FSTL4: variants seen among roughly 807,000 people sequenced by gnomAD.
FSTL4 encodes the protein follistatin-related protein 4.
FSTL4 carries 28 observed loss-of-function variants against 78.2 expected under a neutral mutation model. That is an observed-to-expected ratio of 0.36 (90% CI 0.27 to 0.49). FSTL4 has a LOEUF of 0.49. Among genes scored for constraint, FSTL4 ranks in the 20% least tolerant of loss-of-function variants. The pLI is 0.98. For synonymous variants in FSTL4, 422 were observed against 440.5 expected (o/e 0.96, Z 0.53); for missense variants, 922 against 1,084.9 (o/e 0.85, Z 2.11).
At chr5:133,325,853 C>T (rs1754198750) in intron 4 of FSTL4, among the ~76,000 whole-genome samples, 1 of 152,180 alleles carries the variant, frequency 6.6e-6, no homozygotes, top group African/African-American at 2.4e-5. Context: ...GCTGCCTGTC[C>T]CCCAGACATT....
chr5:133,813,277 A>G, the FSTL4 span, among the ~76,000 whole-genome samples: 1 of 152,396 alleles, frequency 6.6e-6, no homozygotes, highest in Middle Eastern at 3.4e-3. Context: ...TTAACGTAAC[A>G]TATCTGAAAT....
chr5:133,507,654 C>A (rs1447305140), intron 3 of FSTL4, among the ~76,000 whole-genome samples: 1 of 151,546 alleles, frequency 6.6e-6, no homozygotes, highest in African/African-American at 2.4e-5. Flanking sequence ...TCCCAAGTAG[C>A]TGGGATTACA....
intron 6 of FSTL4, among the ~76,000 whole-genome samples, chr5:133,272,694 G>A (rs1752793199): frequency 6.6e-6 from 1 of 152,172 alleles, no homozygotes; most frequent in Non-Finnish European, 1.5e-5. Context: ...CATTTTAAAG[G>A]AATAATAACT....
chr5:133,797,699 C>T, the FSTL4 span, among the ~76,000 whole-genome samples: 1 of 152,166 alleles, frequency 6.6e-6, no homozygotes, highest in Non-Finnish European at 1.5e-5. Context: ...ACAGTCTTCT[C>T]AGTTCTCCGT....
intron 12 of FSTL4, among the ~76,000 whole-genome samples, chr5:133,220,427 T>G (rs553127299): frequency 6.6e-6 from 1 of 152,266 alleles, no homozygotes; most frequent in Non-Finnish European, 1.5e-5. Flanking sequence ...TGAAGGCTAC[T>G]GAGAAAACAC....
chr5:133,805,194 G>A, the FSTL4 span, among the ~76,000 whole-genome samples: 2 of 151,892 alleles, frequency 1.3e-5, no homozygotes, highest in African/African-American at 4.8e-5. Context: ...TTGAGAGCCA[G>A]GCCCCTAGGG....
At chr5:133,687,881 T>G in the FSTL4 span, among the ~76,000 whole-genome samples, 1 of 152,218 alleles carries the variant, frequency 6.6e-6, no homozygotes, top group Non-Finnish European at 1.5e-5. Flanking sequence ...TCCTTCAATC[T>G]GCCTGCTGCT....
chr5:133,454,394 G>A lies in FSTL4; in HGVS notation c.161-53408C>T, dbSNP rs539271661. On this transcript the variant is annotated intron_variant, in intron 3 of 15. Transcript: ENST00000265342. The stretch of plus-strand genomic sequence containing the variant: ...GGAAATCCTGGACAAGCTTCAGCTG[G>A]AAGGGTGCTGGATTTTAATTTTTTC... 2.0e-5 allele frequency among the ~76,000 whole-genome samples: 3 copies of A among 152,294 alleles called. No individual in the cohort carries two copies. The East Asian group carries it at 5.8e-4, about 29-fold the overall frequency.
At chr5:133,748,455 C>A in the FSTL4 span, among the ~76,000 whole-genome samples, 7 of 151,886 alleles carry the variant, frequency 4.6e-5, no homozygotes, top group Non-Finnish European at 8.8e-5. Context: ...CCTGTAATCC[C>A]AGCTACTCTG....
the FSTL4 span, among the ~76,000 whole-genome samples, chr5:133,693,125 C>G: frequency 6.6e-6 from 1 of 152,194 alleles, no homozygotes; most frequent in African/African-American, 2.4e-5. Flanking sequence ...CCTGGCTCAC[C>G]CTTCTGGGTG....
chr5:133,836,809 C>A, the FSTL4 span, among the ~76,000 whole-genome samples: 1 of 152,198 alleles, frequency 6.6e-6, no homozygotes, highest in African/African-American at 2.4e-5. Flanking sequence ...CCTTGGAAGT[C>A]AGTGTCACGC....
At chr5:133,622,185 G>A in the FSTL4 span, among the ~76,000 whole-genome samples, 1 of 152,112 alleles carries the variant, frequency 6.6e-6, no homozygotes, top group Non-Finnish European at 1.5e-5. Flanking sequence ...TCTTTGCTCA[G>A]CATAACTACC....
the FSTL4 span, among the ~76,000 whole-genome samples, chr5:133,656,076 C>A: frequency 2.3e-4 from 35 of 152,138 alleles, no homozygotes; most frequent in African/African-American, 8.2e-4. Flanking sequence ...TAGGGGCTAC[C>A]TTAGTCTGCA....
At chr5:133,680,699 C>T in the FSTL4 span, among the ~76,000 whole-genome samples, 7 of 152,160 alleles carry the variant, frequency 4.6e-5, no homozygotes, top group African/African-American at 1.7e-4. Context: ...TTATAGGCAC[C>T]CTGTCCCCAC....
intron 3 of FSTL4, among the ~76,000 whole-genome samples, chr5:133,516,464 T>C (rs1359698678): frequency 1.3e-5 from 2 of 152,134 alleles, no homozygotes; most frequent in Non-Finnish European, 2.9e-5. Flanking sequence ...AAAACACCTA[T>C]GAAGAAAATG....
the FSTL4 span, among the ~76,000 whole-genome samples, chr5:133,762,439 C>A: frequency 0.58 from 88,529 of 152,014 alleles, 26,608 homozygotes; most frequent in Non-Finnish European, 0.67. Flanking sequence ...AGAACATAGA[C>A]TATAAAGTCA....
the FSTL4 span, among the ~76,000 whole-genome samples, chr5:133,730,431 G>A: frequency 6.6e-6 from 1 of 152,194 alleles, no homozygotes; most frequent in African/African-American, 2.4e-5. Context: ...ATTCCCAGCT[G>A]TGTGATCCTG....
At chr5:133,561,090 A>G (rs1034447563) in intron 3 of FSTL4, among the ~76,000 whole-genome samples, 2 of 131,242 alleles carry the variant, frequency 1.5e-5, no homozygotes, top group African/African-American at 5.7e-5. Context: ...CTCGGACTCA[A>G]AATAATAATA....
chr5:133,611,477 A>G lies in FSTL4; in HGVS notation c.-11+848T>C, dbSNP rs1304225535. 6.6e-6 allele frequency among the ~76,000 whole-genome samples: 1 copy of G among 152,212 alleles called. No homozygotes were observed. Among genetic ancestry groups the G allele is most frequent in the African/African-American group, 2.4e-5 (1 of 41,468 alleles). On this transcript the variant is annotated intron_variant, in intron 1 of 15. Transcript: ENST00000265342. This position sits in a 1 kb window ranked among gnomAD's most constrained non-coding sequence, Gnocchi z 4.9. ...GCAGAGTGCTGTGCCTGCCTCGTCC[A>G]GGTCCCTCCTGAAACTCAGAACTCG... is the stretch of plus-strand genomic sequence containing the variant.
Sources: gnomAD v4.1 joint callset for allele counts (sites outside exome capture counted in the v4.1 genomes callset) on GRCh38, gnomAD v4.1.1 for gene constraint, Gnocchi (gnomAD v3.1) non-coding constraint, MANE v1.5 for transcripts, NCBI Gene and HGNC (gene_info 2026-07-23, HGNC 2026-07-21) for gene names.